OXR1: variants seen among roughly 807,000 people sequenced by gnomAD.
The protein encoded by OXR1 is oxidation resistance protein 1.
Under a neutral mutation model 104.6 loss-of-function variants are expected in OXR1, and 41 were observed. That is an observed-to-expected ratio of 0.39 (90% CI 0.31 to 0.51). The LOEUF (loss-of-function observed/expected upper bound fraction) is 0.51, where lower values mean the gene tolerates loss of function less well. OXR1 is among the 20% of genes least tolerant of loss of function. The pLI is 0.77. For missense variants in OXR1, 955 were observed against 1,031.9 expected (o/e 0.93, Z 1.02); for synonymous variants, 348 against 348.4 (o/e 1.00, Z 0.01).
chr8:106,464,231 C>T (rs1821060485), intron 2 of OXR1, among the ~76,000 whole-genome samples: 1 of 151,974 alleles, frequency 6.6e-6, no homozygotes, highest in African/African-American at 2.4e-5. Context: ...GCTTTAAAAA[C>T]ATTTTCAAGC....
intron 2 of OXR1, among the ~76,000 whole-genome samples, chr8:106,483,970 T>C (rs868473478): frequency 6.6e-6 from 1 of 152,088 alleles, no homozygotes; most frequent in East Asian, 1.9e-4. Flanking sequence ...CTCACTCTGT[T>C]TGTAAAAATG....
intron 3 of OXR1, among the ~76,000 whole-genome samples, chr8:106,610,052 A>G (rs1016579805): frequency 3.7e-4 from 57 of 152,204 alleles, no homozygotes; most frequent in South Asian, 1.9e-3. Flanking sequence ...ATTGTTCACT[A>G]GTAATATACA....
chr8:106,528,864 A>G (rs374329541), intron 3 of OXR1, among the ~76,000 whole-genome samples: 2 of 152,230 alleles, frequency 1.3e-5, no homozygotes. Context: ...CTATCTTGGC[A>G]TGCAGGTCAC....
intron 3 of OXR1, among the ~76,000 whole-genome samples, chr8:106,586,356 T>C (rs956561373): frequency 1.3e-5 from 2 of 152,046 alleles, no homozygotes; most frequent in Admixed American, 6.6e-5. Context: ...AACAAAGCAG[T>C]CATGTATTCC....
intron 2 of OXR1, among the ~76,000 whole-genome samples, chr8:106,387,350 A>G (rs1304596297): frequency 6.6e-6 from 1 of 152,208 alleles, no homozygotes; most frequent in Non-Finnish European, 1.5e-5. Flanking sequence ...CTAGCACCAA[A>G]TATCTAAAAG....
At chr8:106,687,000 T>A (rs1249093650) in intron 6 of OXR1, among the ~76,000 whole-genome samples, 2 of 152,200 alleles carry the variant, frequency 1.3e-5, no homozygotes, top group Non-Finnish European at 2.9e-5. Context: ...ATTTCTTATC[T>A]CAAATTTATG....
intron 3 of OXR1, among the ~76,000 whole-genome samples, chr8:106,574,543 A>G (rs1452730908): frequency 2.0e-5 from 3 of 152,248 alleles, no homozygotes; most frequent in Non-Finnish European, 4.4e-5. Context: ...TTTACTGGAC[A>G]GCATTGGGCA....
intron 3 of OXR1, among the ~76,000 whole-genome samples, chr8:106,641,830 C>CA (rs1489792494): frequency 2.6e-5 from 4 of 151,782 alleles, no homozygotes; most frequent in Admixed American, 6.6e-5. Context: ...ATATAAGCAC[C>CA]AAAAAAACTA....
intron 1 of OXR1, among the ~76,000 whole-genome samples, chr8:106,294,939 T>C (rs550533830): frequency 2.6e-5 from 4 of 152,236 alleles, no homozygotes; most frequent in Non-Finnish European, 5.9e-5. Flanking sequence ...ATTTTACCAT[T>C]ATCATAGCAT....
chr8:106,476,100 G>A (rs563582018), intron 2 of OXR1, among the ~76,000 whole-genome samples: 150 of 151,266 alleles, frequency 9.9e-4, no homozygotes, highest in African/African-American at 3.3e-3. Context: ...CTCTTTATCA[G>A]TTTTCTCTTG....
intron 1 of OXR1, among the ~76,000 whole-genome samples, chr8:106,288,307 A>C (rs1037447230): frequency 6.6e-6 from 1 of 152,142 alleles, no homozygotes; most frequent in African/African-American, 2.4e-5. Context: ...CGACAGCCTG[A>C]GCATTCTGTT....
chr8:106,698,097 G>T, intron 7 of OXR1: 2 of 854,740 alleles, frequency 2.3e-6, no homozygotes, highest in Non-Finnish European at 3.8e-6. Context: ...TGCAGCTGCC[G>T]AGCTTCTTCT....
intron 3 of OXR1, among the ~76,000 whole-genome samples, chr8:106,631,884 T>G (rs1822716090): frequency 6.6e-6 from 1 of 152,192 alleles, no homozygotes; most frequent in South Asian, 2.1e-4. Context: ...AATTGCTATG[T>G]CTGCTATTTA....
intron 7 of OXR1, among the ~76,000 whole-genome samples, chr8:106,694,731 TTTA>T (rs1213789661): frequency 9.1e-6 from 1 of 110,304 alleles, no homozygotes; most frequent in Non-Finnish European, 1.7e-5. Flanking sequence ...TTTTTATATA[TTTA>T]TATATATATT....
Position 106,447,128 on chromosome 8 carries a change from A to G in OXR1, c.24-71815A>G, listed in dbSNP as rs116973286. On this transcript the variant is annotated intron_variant, in intron 2 of 16. Transcript: ENST00000517566. ...ACCATGTTTACAAATTTTGTGTATC[A>G]TCATACATATCTCTTATTTCTAAAA... Among the ~76,000 whole-genome samples the G allele has an allele frequency of 9.5e-3, 1,451 of 152,312 alleles. 16 individuals are homozygous for G. The highest frequency in any genetic ancestry group is 0.015 in the South Asian group (73 of 4,824).
At chr8:106,569,978 C>G (rs1028082202) in intron 3 of OXR1, among the ~76,000 whole-genome samples, 1 of 152,170 alleles carries the variant, frequency 6.6e-6, no homozygotes, top group Admixed American at 6.5e-5. Flanking sequence ...GAACATACAG[C>G]ATCTGAATAT....
intron 2 of OXR1, among the ~76,000 whole-genome samples, chr8:106,476,559 C>T (rs981488170): frequency 1.3e-5 from 2 of 151,908 alleles, no homozygotes; most frequent in African/African-American, 2.4e-5. Context: ...GCTCACTTCT[C>T]TTTCTCACTA....
chr8:106,644,201 G>A (rs1211311678), intron 3 of OXR1, among the ~76,000 whole-genome samples: 15 of 152,198 alleles, frequency 9.9e-5, no homozygotes, highest in African/African-American at 3.6e-4. Context: ...TTTTCCTCTG[G>A]TTGTATTAAG....
At chr8:106,425,220 C>CTT (rs1483471036) in intron 2 of OXR1, among the ~76,000 whole-genome samples, 1 of 149,620 alleles carries the variant, frequency 6.7e-6, no homozygotes, top group African/African-American at 2.5e-5. Flanking sequence ...CCTCCTGCCT[C>CTT]TTTTTTCTTT....
Sources: allele counts gnomAD v4.1 joint callset (sites outside exome capture counted in the v4.1 genomes callset), GRCh38; gene constraint gnomAD v4.1.1; transcripts MANE v1.5; gene names NCBI Gene and HGNC (gene_info 2026-07-23, HGNC 2026-07-21).